The following EPHB1 variants were observed in gnomAD, a reference collection of about 807,000 sequenced individuals.
EPHB1 encodes EPH receptor B1, also known as ephrin type-B receptor 1.
In EPHB1, 30 loss-of-function variants were observed where a neutral mutation model predicts 94.4. The observed-to-expected ratio is 0.32, with a 90% CI of 0.24 to 0.43. The LOEUF (loss-of-function observed/expected upper bound fraction) is 0.43. Among genes scored for constraint, EPHB1 ranks in the 20% least tolerant of loss-of-function variants. The pLI is 1.00. For missense variants in EPHB1, 1,055 were observed against 1,308.3 expected (o/e 0.81, Z 2.99); for synonymous variants, 522 against 489.1 (o/e 1.07, Z -0.89).
chr3:134,958,132 C>T (rs1419019096), intron 3 of EPHB1, among the ~76,000 whole-genome samples: 2 of 152,248 alleles, frequency 1.3e-5, no homozygotes, highest in East Asian at 1.9e-4. Context: ...ATGTAAATTC[C>T]TTCATGCCTG....
chr3:135,249,290 T>C, intron 14 of EPHB1, 46 bp from the exon 15 acceptor site: 2 of 1,575,658 alleles, frequency 1.3e-6, no homozygotes, highest in Non-Finnish European at 1.7e-6. Context: ...GCACTGTCCA[T>C]GCATCTCTGC....
chr3:134,952,009 C>A lies in EPHB1; in HGVS notation c.762C>A (p.Thr254=), dbSNP rs2107716146. The A allele has an allele frequency of 6.2e-7, 1 of 1,613,170 alleles. No homozygotes were observed. Among genetic ancestry groups the A allele is most frequent in the Non-Finnish European group, 8.5e-7 (1 of 1,179,392 alleles). The change falls in exon 3 of 16, where the codon ACC becomes ACA. Residue 254 remains threonine (T), a synonymous_variant. Transcript: ENST00000398015. ...GGATGGTGCCTATTGGGCGATGCAC[C>A]TGCAAGCCTGGCTATGAGCCTGAGA... ...GEWMVPIGRC[T]CKPGYEPENS...
At chr3:135,053,364 G>C (rs1937251584) in intron 3 of EPHB1, among the ~76,000 whole-genome samples, 1 of 151,860 alleles carries the variant, frequency 6.6e-6, no homozygotes, top group South Asian at 2.1e-4. Context: ...AAAACAGTTT[G>C]GCAGTTACTC....
chr3:134,820,908 A>G (rs1047110812), intron 1 of EPHB1, among the ~76,000 whole-genome samples: 2 of 152,212 alleles, frequency 1.3e-5, no homozygotes, highest in African/African-American at 4.8e-5. Context: ...TTTAAGATTT[A>G]TTATAAAGAA....
intron 1 of EPHB1, among the ~76,000 whole-genome samples, chr3:134,918,009 G>A (rs1434682788): frequency 2.6e-5 from 4 of 152,184 alleles, no homozygotes; most frequent in African/African-American, 9.7e-5. Flanking sequence ...CATCAGTTGT[G>A]GAGCTGGGGT....
At chr3:135,016,881 A>G (rs1427711797) in intron 3 of EPHB1, among the ~76,000 whole-genome samples, 1 of 152,084 alleles carries the variant, frequency 6.6e-6, no homozygotes, top group Non-Finnish European at 1.5e-5. Context: ...CTGGCCAGGT[A>G]TGTTTGCCCG....
intron 3 of EPHB1, among the ~76,000 whole-genome samples, chr3:134,997,620 G>T (rs1935037873): frequency 1.3e-5 from 2 of 152,132 alleles, no homozygotes; most frequent in South Asian, 4.1e-4. Context: ...TCCCTGCAAA[G>T]TGGCTTTGTT....
intron 3 of EPHB1, among the ~76,000 whole-genome samples, chr3:134,958,293 C>T (rs1171017065): frequency 1.3e-5 from 2 of 152,088 alleles, no homozygotes; most frequent in Non-Finnish European, 1.5e-5. Flanking sequence ...TTTAGCTCTT[C>T]TTGGAAAAAG....
At chr3:135,084,540 C>T (rs560539391) in intron 3 of EPHB1, among the ~76,000 whole-genome samples, 1 of 152,210 alleles carries the variant, frequency 6.6e-6, no homozygotes, top group Admixed American at 6.5e-5. Context: ...TGACAGAGAG[C>T]GAGCCTGTGT....
chr3:134,815,190 G>T (rs1238121644), intron 1 of EPHB1, among the ~76,000 whole-genome samples: 1 of 152,132 alleles, frequency 6.6e-6, no homozygotes, highest in Non-Finnish European at 1.5e-5. Flanking sequence ...CAGGGAGTGG[G>T]TCTCCTTAGA....
intron 12 of EPHB1, among the ~76,000 whole-genome samples, chr3:135,238,733 GTC>G (rs199779292): frequency 3.2e-4 from 48 of 151,332 alleles, no homozygotes; most frequent in Non-Finnish European, 5.9e-4. Context: ...CTCTGTCTCT[GTC>G]TCTCTCTCTC....
intron 6 of EPHB1, among the ~76,000 whole-genome samples, chr3:135,156,276 C>G (rs967454757): frequency 6.6e-6 from 1 of 151,990 alleles, no homozygotes; most frequent in Non-Finnish European, 1.5e-5. Context: ...AAGATATCCA[C>G]CTGGGAGTTG....
At chr3:134,936,381 ACAGGTG>A (rs1211653283) in intron 2 of EPHB1, among the ~76,000 whole-genome samples, 1 of 152,140 alleles carries the variant, frequency 6.6e-6, no homozygotes, top group African/African-American at 2.4e-5. Context: ...TCAAGAGAAT[ACAGGTG>A]GTCCCTGTGT....
intron 15 of EPHB1, among the ~76,000 whole-genome samples, chr3:135,254,160 CAG>C (rs1354373185): frequency 1.2e-5 from 1 of 85,388 alleles, no homozygotes; most frequent in East Asian, 3.0e-4. Context: ...CATCTGCAAA[CAG>C]GGACAATTTG....
chr3:135,120,043 G>T (rs1939886049), intron 4 of EPHB1, among the ~76,000 whole-genome samples: 1 of 152,130 alleles, frequency 6.6e-6, no homozygotes, highest in Admixed American at 6.5e-5. Context: ...TCAATGACTG[G>T]TGAACTAAGT....
intron 3 of EPHB1, among the ~76,000 whole-genome samples, chr3:135,014,319 G>A (rs973653415): frequency 6.6e-6 from 1 of 152,150 alleles, no homozygotes; most frequent in Admixed American, 6.5e-5. Flanking sequence ...CTGTGGTGTG[G>A]CCCATGCTCT....
chr3:134,854,619 C>G (rs2037072021), intron 1 of EPHB1, among the ~76,000 whole-genome samples: 1 of 152,130 alleles, frequency 6.6e-6, no homozygotes, highest in Non-Finnish European at 1.5e-5. Context: ...ATAGCAGGGA[C>G]AGCCAGGCTT....
intron 1 of EPHB1, among the ~76,000 whole-genome samples, chr3:134,855,137 G>C (rs1213988767): frequency 6.6e-6 from 1 of 152,154 alleles, no homozygotes; most frequent in Non-Finnish European, 1.5e-5. Flanking sequence ...TATTTTACCT[G>C]TTTGCTTATA....
At chr3:134,822,265 G>A (rs142508984) in intron 1 of EPHB1, among the ~76,000 whole-genome samples, 45 of 152,128 alleles carry the variant, frequency 3.0e-4, no homozygotes, top group African/African-American at 8.9e-4. Context: ...GTGTCTGAGC[G>A]GTGACTCAGC....
Sources: allele counts gnomAD v4.1 joint callset (sites outside exome capture counted in the v4.1 genomes callset), GRCh38; gene constraint gnomAD v4.1.1; transcripts MANE v1.5; gene names NCBI Gene and HGNC (gene_info 2026-07-23, HGNC 2026-07-21).